PIP4K2A: variants seen among roughly 807,000 people sequenced by gnomAD.
PIP4K2A encodes phosphatidylinositol 5-phosphate 4-kinase type-2 alpha.
A neutral mutation model predicts 42.9 loss-of-function variants in PIP4K2A; 14 were observed. The ratio of observed to expected loss-of-function variants is 0.33; its 90% CI spans 0.22 to 0.51. The LOEUF (loss-of-function observed/expected upper bound fraction) is 0.51. PIP4K2A is among the 20% of genes least tolerant of loss of function. The pLI, the probability that PIP4K2A is intolerant of heterozygous loss-of-function variation, is 0.97. For missense variants in PIP4K2A, 434 were observed against 519.8 expected, an observed-to-expected ratio of 0.83 and a Z score of 1.61; for synonymous variants, 192 against 192.2, an observed-to-expected ratio of 1.00 and a Z score of 0.01.
intron 6 of PIP4K2A, among the ~76,000 whole-genome samples, chr10:22,555,797 C>A (rs1836524578): frequency 6.6e-6 from 1 of 151,108 alleles, no homozygotes; most frequent in Admixed American, 6.6e-5. Flanking sequence ...GTAATCTAAA[C>A]CTGGGGGTCC....
intron 1 of PIP4K2A, among the ~76,000 whole-genome samples, chr10:22,626,527 C>T (rs1223654089): frequency 6.6e-6 from 1 of 152,152 alleles, no homozygotes; most frequent in African/African-American, 2.4e-5. Flanking sequence ...TCTTTTGTGC[C>T]TGAAAATGTT....
intron 1 of PIP4K2A, among the ~76,000 whole-genome samples, chr10:22,677,776 A>C (rs571146121): frequency 1.3e-5 from 2 of 152,334 alleles, no homozygotes; most frequent in African/African-American, 4.8e-5. Context: ...AACCATCAGA[A>C]AATGTTTCTA....
At chr10:22,598,416 G>C (rs182568279) in intron 3 of PIP4K2A, among the ~76,000 whole-genome samples, 74 of 152,292 alleles carry the variant, frequency 4.9e-4, no homozygotes, top group African/African-American at 1.7e-3. Context: ...AAAAGTGACA[G>C]TAAGTTATTT....
At chr10:22,664,126 T>TAC (rs1254416285) in intron 1 of PIP4K2A, among the ~76,000 whole-genome samples, 23 of 65,616 alleles carry the variant, frequency 3.5e-4, no homozygotes, top group East Asian at 2.1e-3. Flanking sequence ...CATATATATA[T>TAC]ATACATATAT....
intron 4 of PIP4K2A, among the ~76,000 whole-genome samples, chr10:22,583,762 A>G (rs1837330320): frequency 6.6e-6 from 1 of 152,244 alleles, no homozygotes; most frequent in African/African-American, 2.4e-5. Context: ...ACACTAAGGA[A>G]AGCAAGTGTA....
chr10:22,579,503 C>T (rs1302934683), intron 4 of PIP4K2A, among the ~76,000 whole-genome samples: 1 of 152,212 alleles, frequency 6.6e-6, no homozygotes, highest in East Asian at 1.9e-4. Flanking sequence ...CCTCCTTCCC[C>T]TCCAGCTCCT....
chr10:22,551,650 C>T (rs981092684), intron 6 of PIP4K2A, among the ~76,000 whole-genome samples: 2 of 152,226 alleles, frequency 1.3e-5, no homozygotes, highest in Admixed American at 6.5e-5. Context: ...TCTCCCACCC[C>T]TTTCGGCTAA....
intron 6 of PIP4K2A, among the ~76,000 whole-genome samples, chr10:22,554,659 C>G (rs116211872): frequency 5.9e-5 from 9 of 152,240 alleles, no homozygotes; most frequent in Non-Finnish European, 1.3e-4. Flanking sequence ...GAAGTGGCGG[C>G]GGGCCGAGTC....
chr10:22,594,153 G>C (rs1193731913), intron 3 of PIP4K2A, among the ~76,000 whole-genome samples: 2 of 152,132 alleles, frequency 1.3e-5, no homozygotes, highest in Admixed American at 6.5e-5. Flanking sequence ...TGAGAACCAA[G>C]GTCTACAGAA....
intron 7 of PIP4K2A, among the ~76,000 whole-genome samples, chr10:22,544,222 C>A (rs971466907): frequency 6.6e-6 from 1 of 152,082 alleles, no homozygotes; most frequent in Non-Finnish European, 1.5e-5. Context: ...ACCTGCTTTC[C>A]CGTCAGAATG....
chr10:22,680,038 T>TGAATTGTAC (rs143338917), intron 1 of PIP4K2A, among the ~76,000 whole-genome samples: 9,515 of 152,100 alleles, frequency 0.063, 436 homozygotes, highest in African/African-American at 0.13. Context: ...AAATGGTATT[T>TGAATTGTAC]GAATTGTACA....
At chr10:22,668,230 G>A (rs1265971767) in intron 1 of PIP4K2A, among the ~76,000 whole-genome samples, 2 of 152,130 alleles carry the variant, frequency 1.3e-5, no homozygotes, top group Non-Finnish European at 2.9e-5. Flanking sequence ...GATTACAGGC[G>A]TGAGCCACCA....
intron 1 of PIP4K2A, among the ~76,000 whole-genome samples, chr10:22,645,603 A>C (rs1838863642): frequency 6.6e-6 from 1 of 151,636 alleles, no homozygotes; most frequent in African/African-American, 2.4e-5. Context: ...TTAGTTTTGA[A>C]GGAATGAAAA....
chr10:22,696,048 C>G, intron 1 of PIP4K2A, among the ~76,000 whole-genome samples: 1 of 151,978 alleles, frequency 6.6e-6, no homozygotes, highest in East Asian at 1.9e-4. Flanking sequence ...AAGTAGAAAG[C>G]AAAAAATCAT....
intron 1 of PIP4K2A, among the ~76,000 whole-genome samples, chr10:22,712,877 G>A (rs1312517224): frequency 6.6e-6 from 1 of 151,686 alleles, no homozygotes; most frequent in African/African-American, 2.4e-5. Context: ...CAAAAACGAT[G>A]CTTTTAGGCA....
At chr10:22,598,753 TA>T (rs938531881) in intron 3 of PIP4K2A, among the ~76,000 whole-genome samples, 1 of 152,264 alleles carries the variant, frequency 6.6e-6, no homozygotes, top group African/African-American at 2.4e-5. Flanking sequence ...CAGCTGGACT[TA>T]ATGGTCTCTA....
At chr10:22,539,895 GAGAGAGAGAGAGAGAGGGA>G in intron 9 of PIP4K2A, 57 bp downstream of exon 9, 6 of 661,304 alleles carry the variant, frequency 9.1e-6, no homozygotes, top group East Asian at 2.8e-5. Context: ...AGGAGAGAGA[GAGAGAGAGAGAGAGAGGGA>G]GAGAGAGAGA....
chr10:22,561,860 C>T (rs1836713176), intron 6 of PIP4K2A, among the ~76,000 whole-genome samples: 1 of 152,032 alleles, frequency 6.6e-6, no homozygotes, highest in African/African-American at 2.4e-5. Flanking sequence ...GCCACCATGC[C>T]CAGCCCTCTA....
intron 1 of PIP4K2A, among the ~76,000 whole-genome samples, chr10:22,704,537 TC>T (rs1833779345): frequency 6.6e-6 from 1 of 150,418 alleles, no homozygotes; most frequent in Admixed American, 6.7e-5. Context: ...ACATGTATAA[TC>T]CCAGCACTTA....
Sources: gnomAD v4.1 joint callset for allele counts (sites outside exome capture counted in the v4.1 genomes callset) on GRCh38, gnomAD v4.1.1 for gene constraint, MANE v1.5 for transcripts, NCBI Gene and HGNC (gene_info 2026-07-23, HGNC 2026-07-21) for gene names.